CHST9: variants seen among roughly 807,000 people sequenced by gnomAD.
CHST9 encodes the protein GalNAc-4-sulfotransferase 2.
CHST9 carries 41 observed loss-of-function variants against 44.4 expected under a neutral mutation model. That is an observed-to-expected ratio of 0.92 (90% CI 0.72 to 1.20). The LOEUF is 1.20. Among genes scored for constraint, CHST9 ranks in the 50% most tolerant of loss-of-function variants. CHST9 has a pLI of 0.00. For missense variants in CHST9, 504 were observed against 516.5 expected (o/e 0.98, Z 0.23); for synonymous variants, 171 against 178.4 (o/e 0.96, Z 0.33).
At chr18:27,057,396 A>G (rs879821414) in intron 2 of CHST9, among the ~76,000 whole-genome samples, 1 of 152,232 alleles carries the variant, frequency 6.6e-6, no homozygotes, top group Non-Finnish European at 1.5e-5. Flanking sequence ...ATGGTATAAA[A>G]GAATGAGGAG....
intron 3 of CHST9, among the ~76,000 whole-genome samples, chr18:27,031,564 C>A (rs1170221987): frequency 6.6e-6 from 1 of 152,230 alleles, no homozygotes; most frequent in Non-Finnish European, 1.5e-5. Flanking sequence ...CCATTTTCAT[C>A]TTAATTTATC....
At chr18:27,143,204 C>A (rs1043464033) in intron 1 of CHST9, among the ~76,000 whole-genome samples, 1 of 151,938 alleles carries the variant, frequency 6.6e-6, no homozygotes, top group Non-Finnish European at 1.5e-5. Context: ...GTTTGGGATA[C>A]CTTAAAATAA....
chr18:27,130,091 A>G (rs1397068099), intron 2 of CHST9, among the ~76,000 whole-genome samples: 2 of 152,208 alleles, frequency 1.3e-5, no homozygotes, highest in Non-Finnish European at 2.9e-5. Context: ...CCTACTGGCT[A>G]TGCAAATTTA....
chr18:26,924,504 G>A (rs1200290313), intron 5 of CHST9: 1 of 433,962 alleles, frequency 2.3e-6, no homozygotes, highest in Non-Finnish European at 3.1e-6. Flanking sequence ...CATGGGCCTT[G>A]AAGGCACTGC....
intron 1 of CHST9, among the ~76,000 whole-genome samples, chr18:27,183,277 T>C (rs575246502): frequency 2.6e-4 from 40 of 152,294 alleles, no homozygotes; most frequent in African/African-American, 7.2e-4. Flanking sequence ...TGAGTCAACA[T>C]TGGATACCAT....
At chr18:26,973,005 T>C (rs921228903) in intron 4 of CHST9, among the ~76,000 whole-genome samples, 5 of 152,174 alleles carry the variant, frequency 3.3e-5, no homozygotes. Flanking sequence ...GGTCACTTGA[T>C]TACAACAAAT....
intron 2 of CHST9, among the ~76,000 whole-genome samples, chr18:27,092,524 T>C (rs936282186): frequency 9.9e-5 from 15 of 152,214 alleles, no homozygotes; most frequent in Admixed American, 7.2e-4. Context: ...TCTAGTTCTT[T>C]TAATTGTGGT....
intron 5 of CHST9, chr18:26,933,819 T>G (rs1186373077): frequency 6.5e-6 from 1 of 153,160 alleles, no homozygotes; most frequent in Non-Finnish European, 1.5e-5. Flanking sequence ...AAAATTTAGG[T>G]GGTGCCAAGT....
At chr18:27,110,204 T>A (rs2058259056) in intron 2 of CHST9, among the ~76,000 whole-genome samples, 2 of 152,084 alleles carry the variant, frequency 1.3e-5, no homozygotes, top group Admixed American at 6.5e-5. Context: ...AATTTGCTAC[T>A]TCTTTAGCCT....
chr18:27,060,972 C>T (rs543310519), intron 2 of CHST9, among the ~76,000 whole-genome samples: 2 of 152,312 alleles, frequency 1.3e-5, no homozygotes, highest in South Asian at 4.1e-4. Context: ...AAAGATTTTT[C>T]TTGCCAATAA....
intron 1 of CHST9, among the ~76,000 whole-genome samples, chr18:27,156,248 G>A (rs568275867): frequency 2.2e-4 from 33 of 151,896 alleles, no homozygotes; most frequent in Admixed American, 3.9e-4. Flanking sequence ...AAGGACCAAA[G>A]GGTTCTGAAG....
At chr18:27,086,911 G>T (rs1010902823) in intron 2 of CHST9, among the ~76,000 whole-genome samples, 2 of 151,948 alleles carry the variant, frequency 1.3e-5, no homozygotes, top group African/African-American at 4.8e-5. Flanking sequence ...ACTGAAATGT[G>T]GGGCTCTAAC....
At position 26,907,163 on chromosome 18, in the gene CHST9, G is replaced by A. The variant is rs1344188907; in HGVS notation, c.*9096C>T. 1 of 152,500 alleles carries A rather than the reference G, an allele frequency of 6.6e-6. No homozygotes were observed. The highest frequency in any genetic ancestry group is 2.4e-5 in the African/African-American group (1 of 41,440). 9.4% of individuals were successfully genotyped at this position (152,500 alleles called of 1,614,324 possible). On this transcript the variant is annotated 3_prime_UTR_variant, in exon 6 of 6. Transcript: ENST00000618847. ...GGTGAGAGTCTGAACTTAGATATTA[G>A]CAGAATGGATGGGAGGAGAGGAGAA...
chr18:27,163,825 A>C (rs1044555849), intron 1 of CHST9, among the ~76,000 whole-genome samples: 2 of 152,022 alleles, frequency 1.3e-5, no homozygotes, highest in Non-Finnish European at 2.9e-5. Flanking sequence ...AATGTCCTGC[A>C]CCCACTTTCT....
At chr18:27,061,257 G>C (rs889680802) in intron 2 of CHST9, among the ~76,000 whole-genome samples, 22 of 152,138 alleles carry the variant, frequency 1.4e-4, no homozygotes, top group African/African-American at 4.6e-4. Flanking sequence ...CTTGTTATGT[G>C]TTATTTAACC....
intron 5 of CHST9, chr18:26,936,541 T>C (rs1273282552): frequency 6.6e-6 from 1 of 152,180 alleles, no homozygotes; most frequent in East Asian, 1.9e-4. Flanking sequence ...GATGAGTTAC[T>C]CAATACTGAA....
chr18:26,986,368 C>T (rs777076261), intron 4 of CHST9, among the ~76,000 whole-genome samples: 3 of 151,536 alleles, frequency 2.0e-5, no homozygotes, highest in Non-Finnish European at 2.9e-5. Flanking sequence ...AAATTTAAGC[C>T]ACAGCAATAG....
intron 2 of CHST9, among the ~76,000 whole-genome samples, chr18:27,069,340 A>G (rs1317726312): frequency 6.6e-6 from 1 of 152,138 alleles, no homozygotes; most frequent in Non-Finnish European, 1.5e-5. Flanking sequence ...CAATGATCCC[A>G]CCTGTGACAT....
intron 3 of CHST9, among the ~76,000 whole-genome samples, chr18:27,033,370 G>A (rs1419090313): frequency 1.3e-5 from 2 of 152,048 alleles, no homozygotes; most frequent in Admixed American, 6.6e-5. Context: ...TTTCATACAC[G>A]CAGTTCAAGA....
Sources: gnomAD v4.1 joint callset for allele counts (sites outside exome capture counted in the v4.1 genomes callset) on GRCh38, gnomAD v4.1.1 for gene constraint, MANE v1.5 for transcripts, NCBI Gene and HGNC (gene_info 2026-07-23, HGNC 2026-07-21) for gene names.